The following RFX2 variants were observed in gnomAD, a reference collection of about 807,000 sequenced individuals.
RFX2 encodes the protein regulatory factor X2.
RFX2 carries 20 observed loss-of-function variants against 87.8 expected under a neutral mutation model. That is an observed-to-expected ratio of 0.23 (90% CI 0.16 to 0.33). The LOEUF (loss-of-function observed/expected upper bound fraction) is 0.33. RFX2 is among the 10% of genes least tolerant of loss of function. The probability of loss-of-function intolerance (pLI) is 1.00; values close to 1 mark genes in which losing one functional copy is unlikely to be tolerated. For synonymous variants in RFX2, 397 were observed against 431.3 expected (o/e 0.92, Z 0.98); for missense variants, 767 against 1,012.3 (o/e 0.76, Z 3.29).
intron 1 of RFX2, among the ~76,000 whole-genome samples, chr19:6,089,316 G>A (rs1422813005): frequency 6.6e-6 from 1 of 152,224 alleles, no homozygotes; most frequent in Admixed American, 6.5e-5. Flanking sequence ...CTCCATCTCA[G>A]TGGCGGAGGA....
At chr19:6,043,718 T>C (rs1192666006) in intron 3 of RFX2, among the ~76,000 whole-genome samples, 1 of 152,242 alleles carries the variant, frequency 6.6e-6, no homozygotes, top group Non-Finnish European at 1.5e-5. Flanking sequence ...CTAACCATGC[T>C]TCTAGAGTGT....
intron 1 of RFX2, among the ~76,000 whole-genome samples, chr19:6,081,215 A>G (rs1310983295): frequency 1.3e-5 from 2 of 152,162 alleles, no homozygotes; most frequent in African/African-American, 4.8e-5. Flanking sequence ...GTTCATAATA[A>G]GTCTGCTTCC....
At chr19:6,008,888 C>A (rs1453730852) in intron 9 of RFX2, among the ~76,000 whole-genome samples, 1 of 151,930 alleles carries the variant, frequency 6.6e-6, no homozygotes, top group Non-Finnish European at 1.5e-5. Context: ...CCATGTTGGC[C>A]AAGTTGGTCT....
chr19:5,997,234 G>A lies in RFX2; in HGVS notation c.1860-21C>T. ...TGGAGCTGGGGACAAGCGGACAGAG[G>A]CTGGGGACCCTCAGGGGAGCATGGA... On this transcript the variant is annotated intron_variant, in intron 15 of 17. Transcript: ENST00000303657. The surrounding 1 kb of genome is among the most constrained non-coding windows in gnomAD (Gnocchi z 4.2). The A allele has an allele frequency of 6.2e-7, 1 of 1,603,104 alleles. No homozygotes were observed. The highest frequency in any genetic ancestry group is 8.5e-7 in the Non-Finnish European group (1 of 1,177,708).
At chr19:6,076,339 G>A (rs574161329) in intron 1 of RFX2, among the ~76,000 whole-genome samples, 1 of 152,218 alleles carries the variant, frequency 6.6e-6, no homozygotes, top group African/African-American at 2.4e-5. Context: ...GAGAGACTCT[G>A]TCTCAAAATA....
chr19:6,000,573 T>G (rs981549754), intron 15 of RFX2, among the ~76,000 whole-genome samples: 4 of 152,244 alleles, frequency 2.6e-5, no homozygotes, highest in African/African-American at 9.6e-5. Context: ...GCTGTTCTCT[T>G]GAGAGTGAAT....
intron 16 of RFX2, among the ~76,000 whole-genome samples, chr19:5,995,943 G>A (rs1246854601): frequency 6.6e-6 from 1 of 152,250 alleles, no homozygotes; most frequent in Non-Finnish European, 1.5e-5. Context: ...TTTTAAGGTG[G>A]CATGGAAGAG....
At position 6,010,116 on chromosome 19, in the gene RFX2, G is replaced by C. The variant is rs117498441; in HGVS notation, c.1015+20C>G. ...CGAGCAGATGGGAGCCCCGCCCCCG[G>C]GCCTGACCGGGCCTCTCACCTATGT... On this transcript the variant is annotated intron_variant, in intron 9 of 17. Transcript: ENST00000303657. The surrounding 1 kb of genome is among the most constrained non-coding windows in gnomAD (Gnocchi z 5.0). The C allele has an allele frequency of 4.6e-3, 6,765 of 1,486,082 alleles. 96 individuals carry two copies. The East Asian group carries it at 0.063, about 14-fold the overall frequency. 92.1% of individuals were successfully genotyped at this position (1,486,082 alleles called of 1,614,324 possible).
rs1448217950 is a variant in RFX2 at position 5,997,243 on chromosome 19, C to T, written c.1860-30G>A. On this transcript the variant is annotated intron_variant, in intron 15 of 17. Coordinates refer to ENST00000303657, the MANE Select transcript of RFX2 (RefSeq NM_000635.4). The surrounding 1 kb of genome is among the most constrained non-coding windows in gnomAD (Gnocchi z 4.2). ...GGACAAGCGGACAGAGGCTGGGGAC[C>T]CTCAGGGGAGCATGGAACCCGGGCC... 4 of 1,593,502 alleles carry T rather than the reference C, an allele frequency of 2.5e-6. No individual in the cohort carries two copies. Among genetic ancestry groups the T allele is most frequent in the Admixed American group, 3.4e-5 (2 of 58,544 alleles).
chr19:6,079,055 C>A (rs1261417337), intron 1 of RFX2, among the ~76,000 whole-genome samples: 1 of 152,230 alleles, frequency 6.6e-6, no homozygotes. Flanking sequence ...GAATTATAGG[C>A]GTGAGCCACG....
chr19:6,033,291 A>G (rs1325477421), intron 5 of RFX2, among the ~76,000 whole-genome samples: 2 of 152,226 alleles, frequency 1.3e-5, no homozygotes, highest in Admixed American at 1.3e-4. Flanking sequence ...ATCATTTTGC[A>G]TACGGTGCCA....
In RFX2 at chr19:6,026,468, G is replaced by T; in HGVS notation, c.523-231C>A. ...CACACGTAGGTAAGCCCGAGAGCCC[G>T]TCCAACAGAAGCAGCAGAAATCATG... is the stretch of plus-strand genomic sequence containing the variant. On this transcript the variant is annotated intron_variant, in intron 5 of 17. Transcript: ENST00000303657. This position sits in a 1 kb window ranked among gnomAD's most constrained non-coding sequence, Gnocchi z 4.5. The T allele has an allele frequency of 1.7e-6, 1 of 577,564 alleles. No homozygotes were observed. The allele number at this position is 577,564 out of a possible 1,614,324, so 35.8% of individuals were successfully genotyped here.
intron 9 of RFX2, among the ~76,000 whole-genome samples, chr19:6,009,449 G>A (rs1359739956): frequency 1.3e-5 from 2 of 152,168 alleles, no homozygotes; most frequent in Non-Finnish European, 2.9e-5. Context: ...CAGCCCCCAG[G>A]GAAGAGGCCA....
rs1219657323 is a variant in RFX2, at chr19:6,022,840, G to A, written c.597+3323C>T. 6.6e-6 allele frequency among the ~76,000 whole-genome samples: 1 copy of A among 152,214 alleles called. No individual in the cohort carries two copies. The highest frequency in any genetic ancestry group is 1.9e-4 in the East Asian group (1 of 5,192). On this transcript the variant is annotated intron_variant, in intron 6 of 17. Transcript: ENST00000303657. This position sits in a 1 kb window ranked among gnomAD's most constrained non-coding sequence, Gnocchi z 6.2. ...CCAAGCCCCTAGAGGGGAGGCCTGG[G>A]AAGCTCCTGTTGACCGGCTGGGTCT...
chr19:6,047,597 A>C lies in RFX2; in HGVS notation c.-8-93T>G. 1 of 971,894 alleles carries C rather than the reference A, an allele frequency of 1.0e-6. No homozygotes were observed. The highest frequency in any genetic ancestry group is 1.6e-6 in the Non-Finnish European group (1 of 632,150). 60.2% of individuals were successfully genotyped at this position (971,894 alleles called of 1,614,324 possible). ...ACAAGTTCAAGGGAGGGAAGGAGTA[A>C]CCAGCTACATTCTTCAAAGTCGAAA... On this transcript the variant is annotated intron_variant, in intron 1 of 17. Transcript: ENST00000303657. The surrounding 1 kb of genome is among the most constrained non-coding windows in gnomAD (Gnocchi z 4.2).
intron 5 of RFX2, among the ~76,000 whole-genome samples, chr19:6,034,826 T>C (rs1336477918): frequency 6.6e-6 from 1 of 152,184 alleles, no homozygotes; most frequent in African/African-American, 2.4e-5. Context: ...CCTTTTCTAG[T>C]TCTGAGGGCT....
chr19:6,013,004 G>T lies in RFX2; in HGVS notation c.881C>A (p.Pro294His). 6.4e-7 allele frequency: 1 copy of T among 1,574,464 alleles called. No homozygotes were observed. ...DTQYMAMRQQ[P>H]MHQKPRYRPA... Reference sequence around the variant, plus strand: ...CACCCACCTGGGCTTCTGGTGCATGGGCTGCTGCCGCATGGCCATGTACTG... The same window carrying T: ...CACCCACCTGGGCTTCTGGTGCATGTGCTGCTGCCGCATGGCCATGTACTG... The change falls in exon 8 of 18, where the codon CCC becomes CAC. Residue 294 changes from proline (P) to histidine (H), a missense_variant. This residue lies in a region of RFX2 where 621 missense variants were observed against 873.0 expected (regional missense o/e 0.71). Transcript: ENST00000303657. The surrounding 1 kb of genome is among the most constrained non-coding windows in gnomAD (Gnocchi z 4.1).
In RFX2 at chr19:6,016,332, G is replaced by A. The variant is rs1421651281; in HGVS notation, c.598-61C>T. The A allele has an allele frequency of 3.8e-5, 47 of 1,238,730 alleles. No homozygotes were observed. Among genetic ancestry groups the A allele is most frequent in the Non-Finnish European group, 5.1e-5 (45 of 879,612 alleles). 76.7% of individuals were successfully genotyped at this position (1,238,730 alleles called of 1,614,324 possible). A position where few individuals can be genotyped will look rare whatever the true frequency, so the allele number is the denominator to read the frequency against. On this transcript the variant is annotated intron_variant, in intron 6 of 17. Coordinates refer to ENST00000303657, the MANE Select transcript of RFX2 (RefSeq NM_000635.4). This position sits in a 1 kb window ranked among gnomAD's most constrained non-coding sequence, Gnocchi z 5.4. ...GCCTGAGGAACGCTAACATGCCAAC[G>A]TGGACTCATTAAGAGAATTACTTGC...
At chr19:5,995,019 G>T in intron 17 of RFX2, 69 bp from the exon 18 acceptor site, 1 of 1,281,022 alleles carries the variant, frequency 7.8e-7, no homozygotes, top group Non-Finnish European at 1.1e-6. Flanking sequence ...GGAAGTGCAC[G>T]TTCCGAGAAC....
Sources: gnomAD v4.1 joint callset for allele counts (sites outside exome capture counted in the v4.1 genomes callset) on GRCh38, gnomAD v4.1.1 for gene constraint, gnomAD v4.1.1 regional missense constraint, Gnocchi (gnomAD v3.1) non-coding constraint, MANE v1.5 for transcripts, NCBI Gene and HGNC (gene_info 2026-07-23, HGNC 2026-07-21) for gene names.